The following GALNT7 variants were observed in gnomAD, a reference collection of about 807,000 sequenced individuals.
The protein encoded by GALNT7 is N-acetylgalactosaminyltransferase 7.
Under a neutral mutation model 82.1 loss-of-function variants are expected in GALNT7, and 60 were observed. The observed-to-expected ratio is 0.73, with a 90% confidence interval of 0.59 to 0.91. The LOEUF is 0.91. Among genes scored for constraint, GALNT7 ranks in the 40% least tolerant of loss-of-function variants. The pLI, the probability that GALNT7 is intolerant of heterozygous loss-of-function variation, is 0.00. For synonymous variants in GALNT7, 243 were observed against 275.1 expected (o/e 0.88, Z 1.15); for missense variants, 660 against 804.2 (o/e 0.82, Z 2.17).
At chr4:173,225,132 G>C (rs1320443631) in intron 1 of GALNT7, among the ~76,000 whole-genome samples, 1 of 151,826 alleles carries the variant, frequency 6.6e-6, no homozygotes, top group Non-Finnish European at 1.5e-5. Context: ...TTGTAGGTTT[G>C]TATTTTTAAA....
chr4:173,180,562 A>G (rs972650346), intron 1 of GALNT7, among the ~76,000 whole-genome samples: 15 of 152,194 alleles, frequency 9.9e-5, no homozygotes, highest in African/African-American at 3.6e-4. Context: ...TTCTGACCTC[A>G]GGTGATCCGC....
intron 1 of GALNT7, among the ~76,000 whole-genome samples, chr4:173,203,448 C>A (rs1347678465): frequency 6.6e-6 from 1 of 152,298 alleles, no homozygotes; most frequent in Admixed American, 6.5e-5. Context: ...AGAATTTAAT[C>A]CATTTACATT....
intron 1 of GALNT7, among the ~76,000 whole-genome samples, chr4:173,237,739 A>G (rs888507293): frequency 1.4e-5 from 2 of 147,244 alleles, no homozygotes; most frequent in African/African-American, 4.9e-5. Flanking sequence ...GGATAGGCCT[A>G]AATAAGTACT....
chr4:173,232,004 C>A (rs982926203), intron 1 of GALNT7, among the ~76,000 whole-genome samples: 1 of 152,026 alleles, frequency 6.6e-6, no homozygotes, highest in Non-Finnish European at 1.5e-5. Context: ...ATCACTGGAA[C>A]TAGAGCAGAT....
chr4:173,264,195 T>C (rs115860038), intron 2 of GALNT7, among the ~76,000 whole-genome samples: 1 of 152,310 alleles, frequency 6.6e-6, no homozygotes, highest in Non-Finnish European at 1.5e-5. Context: ...AGCAGTAACT[T>C]ACTGTTTGTA....
intron 1 of GALNT7, among the ~76,000 whole-genome samples, chr4:173,189,813 G>T (rs1457329257): frequency 1.3e-5 from 2 of 152,126 alleles, no homozygotes; most frequent in Non-Finnish European, 2.9e-5. Flanking sequence ...AATGGTACCT[G>T]CTGGGAAACA....
rs1561196980 is a variant in GALNT7, at chr4:173,302,892, C to T, written c.1266+728C>T. 6.6e-6 allele frequency among the ~76,000 whole-genome samples: 1 copy of T among 152,162 alleles called. No homozygotes were observed. The highest frequency in any genetic ancestry group is 1.5e-5 in the Non-Finnish European group (1 of 68,032). On this transcript the variant is annotated intron_variant, in intron 7 of 11. Coordinates refer to ENST00000265000, the MANE Select transcript of GALNT7 (RefSeq NM_017423.3). This position sits in a 1 kb window ranked among gnomAD's most constrained non-coding sequence, Gnocchi z 4.2. The stretch of plus-strand genomic sequence containing the variant: ...TTCATAATACAAGAAGGCAGAATGG[C>T]ATTCAGTTGGTGTGCTTAAAAAACC...
chr4:173,307,639 G>C (rs902916768), intron 8 of GALNT7, among the ~76,000 whole-genome samples: 1 of 152,218 alleles, frequency 6.6e-6, no homozygotes, highest in Admixed American at 6.5e-5. Context: ...CTAGCTCTCT[G>C]TTGCAGCTGA....
At chr4:173,181,980 C>G (rs546301058) in intron 1 of GALNT7, among the ~76,000 whole-genome samples, 193 of 152,304 alleles carry the variant, frequency 1.3e-3, no homozygotes, top group Middle Eastern at 6.8e-3. Flanking sequence ...CTAATAGTTT[C>G]ACAGTGGTAA....
intron 1 of GALNT7, among the ~76,000 whole-genome samples, chr4:173,186,722 A>G (rs1428753250): frequency 6.6e-6 from 1 of 152,016 alleles, no homozygotes; most frequent in Non-Finnish European, 1.5e-5. Context: ...TAAAAGTTAT[A>G]TCCTTAAATG....
chr4:173,170,343 C>T (rs752618737), intron 1 of GALNT7, among the ~76,000 whole-genome samples: 1 of 152,180 alleles, frequency 6.6e-6, no homozygotes, highest in East Asian at 1.9e-4. Context: ...ATTTAACTTT[C>T]CTTCTGGAAA....
chr4:173,314,281 G>A, intron 9 of GALNT7, 105 bp downstream of exon 9: 1 of 799,362 alleles, frequency 1.3e-6, no homozygotes, highest in South Asian at 1.5e-5. Flanking sequence ...GGAAAAGTTG[G>A]GGTAAAAACT....
intron 1 of GALNT7, among the ~76,000 whole-genome samples, chr4:173,182,927 C>A (rs1732303680): frequency 6.9e-6 from 1 of 144,458 alleles, no homozygotes. Context: ...ACTCATAATA[C>A]ACACACACAC....
rs1351144949 is a variant in GALNT7 at position 173,292,949 on chromosome 4, GTATGTCCATTTTGTT to G, written c.754+685_754+699del. 6.6e-6 allele frequency among the ~76,000 whole-genome samples: 1 copy of G among 152,054 alleles called. No individual in the cohort carries two copies. The highest frequency in any genetic ancestry group is 2.4e-5 in the African/African-American group (1 of 41,418). On this transcript the variant is annotated intron_variant, in intron 3 of 11. Transcript: ENST00000265000. This position sits in a 1 kb window ranked among gnomAD's most constrained non-coding sequence, Gnocchi z 4.8. ...AAAGCTTTTAGGCACAACATTTTAT[GTATGTCCATTTTGTT>G]TATGTCCATCTTTGTTGTGAATTTC...
chr4:173,291,793 T>TG (rs899398061), intron 2 of GALNT7, among the ~76,000 whole-genome samples: 10 of 135,076 alleles, frequency 7.4e-5, no homozygotes, highest in African/African-American at 2.9e-4. Context: ...GTCCAGGTCA[T>TG]GAAAAAAAAA....
rs1051412043 is a variant in GALNT7 at position 173,323,903 on chromosome 4, G to T, written c.*2186G>T. ...ATTAGGATAAATTTGAGAAACTTAC[G>T]TATATCTTAATTCTGGGTTGCTTGT... On this transcript the variant is annotated 3_prime_UTR_variant, in exon 12 of 12. Transcript: ENST00000265000. The T allele has an allele frequency of 2.0e-5, 3 of 152,474 alleles. No homozygotes were observed. Among genetic ancestry groups the T allele is most frequent in the Non-Finnish European group, 2.9e-5 (2 of 67,958 alleles). 9.4% of individuals were successfully genotyped at this position (152,474 alleles called of 1,614,324 possible).
chr4:173,198,820 A>G (rs1561150844), intron 1 of GALNT7, among the ~76,000 whole-genome samples: 1 of 152,124 alleles, frequency 6.6e-6, no homozygotes, highest in African/African-American at 2.4e-5. Flanking sequence ...ATGATTCCAG[A>G]TCATGAGGGA....
At chr4:173,240,126 G>A (rs1231522491) in intron 1 of GALNT7, among the ~76,000 whole-genome samples, 3 of 152,028 alleles carry the variant, frequency 2.0e-5, no homozygotes. Flanking sequence ...TTAAATAAAT[G>A]TATATCATCT....
chr4:173,178,048 T>TGCAC (rs566263598), intron 1 of GALNT7, among the ~76,000 whole-genome samples: 2 of 113,698 alleles, frequency 1.8e-5, no homozygotes, highest in East Asian at 2.6e-4. Context: ...TGTGTGTGTG[T>TGCAC]GTGTGCGCGC....
Sources: allele counts gnomAD v4.1 joint callset (sites outside exome capture counted in the v4.1 genomes callset), GRCh38; gene constraint gnomAD v4.1.1; non-coding constraint Gnocchi (gnomAD v3.1); transcripts MANE v1.5; gene names NCBI Gene and HGNC (gene_info 2026-07-23, HGNC 2026-07-21).